NSRP1: variants seen among roughly 807,000 people sequenced by gnomAD.
The protein encoded by NSRP1 is nuclear speckle splicing regulatory protein 1.
A neutral mutation model predicts 54.7 loss-of-function variants in NSRP1; 24 were observed. The observed-to-expected ratio is 0.44, with a 90% CI of 0.32 to 0.62. The LOEUF (loss-of-function observed/expected upper bound fraction) is 0.62, where lower values mean the gene tolerates loss of function less well. Among genes scored for constraint, NSRP1 ranks in the 20% least tolerant of loss-of-function variants. The pLI is 0.06. For synonymous variants in NSRP1, 210 were observed against 213.8 expected, an observed-to-expected ratio of 0.98 and a Z score of 0.15; for missense variants, 596 against 651.2, an observed-to-expected ratio of 0.92 and a Z score of 0.92.
At chr17:30,159,925 G>C (rs984551271) in intron 2 of NSRP1, among the ~76,000 whole-genome samples, 1 of 152,174 alleles carries the variant, frequency 6.6e-6, no homozygotes, top group African/African-American at 2.4e-5. Flanking sequence ...GCCTCCCAAA[G>C]TGCTGGGATT....
intron 2 of NSRP1, among the ~76,000 whole-genome samples, chr17:30,143,348 C>A (rs2071823513): frequency 1.3e-5 from 2 of 152,154 alleles, no homozygotes; most frequent in African/African-American, 4.8e-5. Context: ...GAAGGAGATT[C>A]ATTTCCTGCC....
intron 6 of NSRP1, among the ~76,000 whole-genome samples, chr17:30,181,770 C>T (rs1446099826): frequency 2.0e-5 from 3 of 151,846 alleles, no homozygotes; most frequent in Admixed American, 6.6e-5. Flanking sequence ...GCACTACGCC[C>T]GGCTAATCTT....
rs1490995414 is a variant in NSRP1, at chr17:30,127,268, T to TG, written c.114+9096dup. Among the ~76,000 whole-genome samples, 3 of 152,342 alleles carry TG rather than the reference T, an allele frequency of 2.0e-5. No individual in the cohort carries two copies. In the East Asian group the frequency reaches 5.8e-4, roughly 29 times the overall value. On this transcript the variant is annotated intron_variant, in intron 2 of 6. Transcript: ENST00000247026. ...TTTTTAGATGTTTATCTATGATAAATGCCTGCCCATTTTGCAGAGCATAAT... is the reference window on the plus strand; with the variant it reads ...TTTTTAGATGTTTATCTATGATAAATGGCCTGCCCATTTTGCAGAGCATAAT...
chr17:30,128,750 G>T (rs2071673225), intron 2 of NSRP1, among the ~76,000 whole-genome samples: 2 of 152,074 alleles, frequency 1.3e-5, no homozygotes, highest in African/African-American at 4.8e-5. Context: ...AACAGTGAAA[G>T]CATGAGTAAG....
chr17:30,181,329 A>G (rs1162218535), intron 6 of NSRP1, among the ~76,000 whole-genome samples: 4 of 151,900 alleles, frequency 2.6e-5, no homozygotes, highest in Admixed American at 6.6e-5. Flanking sequence ...TAAGTGATTT[A>G]TGGGTCTTAA....
chr17:30,136,903 GA>G (rs2071755681), intron 2 of NSRP1, among the ~76,000 whole-genome samples: 1 of 151,984 alleles, frequency 6.6e-6, no homozygotes, highest in African/African-American at 2.4e-5. Context: ...TATATCTAAG[GA>G]TTTTTTTTGT....
At chr17:30,138,921 T>TGTTG in intron 2 of NSRP1, among the ~76,000 whole-genome samples, 1 of 133,860 alleles carries the variant, frequency 7.5e-6, no homozygotes, top group East Asian at 2.3e-4. Flanking sequence ...TTTTTTTTTT[T>TGTTG]TTTTTTTTTT....
intron 2 of NSRP1, among the ~76,000 whole-genome samples, chr17:30,167,119 T>C (rs1238064330): frequency 6.6e-6 from 1 of 152,222 alleles, no homozygotes; most frequent in East Asian, 1.9e-4. Flanking sequence ...AGCTCCCACA[T>C]GGAAGTGAGA....
At chr17:30,160,967 G>C (rs1567801021) in intron 2 of NSRP1, among the ~76,000 whole-genome samples, 1 of 152,132 alleles carries the variant, frequency 6.6e-6, no homozygotes, top group Non-Finnish European at 1.5e-5. Flanking sequence ...GCGTAACCAG[G>C]AATAAAAGAC....
intron 2 of NSRP1, among the ~76,000 whole-genome samples, chr17:30,142,834 G>A (rs922242613): frequency 1.3e-5 from 2 of 152,146 alleles, no homozygotes; most frequent in African/African-American, 4.8e-5. Context: ...ATAGAATCAT[G>A]ATTGCAAATT....
At chr17:30,140,398 A>G (rs1208026113) in intron 2 of NSRP1, among the ~76,000 whole-genome samples, 1 of 152,126 alleles carries the variant, frequency 6.6e-6, no homozygotes, top group Non-Finnish European at 1.5e-5. Flanking sequence ...AAGAGACCAA[A>G]ATATTTGTGA....
chr17:30,169,691 C>T (rs948911993), intron 2 of NSRP1, among the ~76,000 whole-genome samples: 1 of 151,982 alleles, frequency 6.6e-6, no homozygotes, highest in Non-Finnish European at 1.5e-5. Context: ...TTGTTATCAA[C>T]ATCTTTCCCC....
rs781089931 is a variant in NSRP1, at chr17:30,184,748, G to A, written c.751G>A (p.Asp251Asn). The change falls in exon 7 of 7, where the codon GAT becomes AAT. Residue 251 changes from aspartate to asparagine, a missense_variant. Transcript: ENST00000247026. ...EENPDADSDFDAKSSADDEIE... is the reference protein window; with the variant it reads ...EENPDADSDFNAKSSADDEIE... ...AAACCCAGATGCAGACAGTGACTTC[G>A]ATGCTAAGAGCAGTGCGGATGATGA... The A allele has an allele frequency of 8.7e-6, 14 of 1,614,062 alleles. No individual in the cohort carries two copies. Among genetic ancestry groups the A allele is most frequent in the South Asian group, 3.3e-5 (3 of 91,040 alleles).
chr17:30,140,228 A>G (rs2071790689), intron 2 of NSRP1, among the ~76,000 whole-genome samples: 1 of 152,204 alleles, frequency 6.6e-6, no homozygotes, highest in African/African-American at 2.4e-5. Context: ...AAGTTTTGTA[A>G]CCTTTGATAA....
At chr17:30,127,779 G>C in intron 2 of NSRP1, 3 of 374,674 alleles carry the variant, frequency 8.0e-6, no homozygotes, top group Non-Finnish European at 9.5e-6. Context: ...ATTAAGTTTA[G>C]ATAGCTAAAA....
chr17:30,126,780 G>A (rs1016352898), intron 2 of NSRP1, among the ~76,000 whole-genome samples: 1 of 152,148 alleles, frequency 6.6e-6, no homozygotes, highest in Non-Finnish European at 1.5e-5. Context: ...GTAGAGACAG[G>A]GTTTCGCCAT....
chr17:30,171,134 G>T (rs1326853320), intron 2 of NSRP1, among the ~76,000 whole-genome samples: 1 of 151,268 alleles, frequency 6.6e-6, no homozygotes, highest in Non-Finnish European at 1.5e-5. Flanking sequence ...TCTTCCTCTT[G>T]CATTCTTTTA....
At chr17:30,134,957 C>G (rs1230001859) in intron 2 of NSRP1, among the ~76,000 whole-genome samples, 1 of 151,996 alleles carries the variant, frequency 6.6e-6, no homozygotes, top group Non-Finnish European at 1.5e-5. Context: ...GGAGATTAGG[C>G]TATATTTAAT....
intron 2 of NSRP1, among the ~76,000 whole-genome samples, chr17:30,157,564 T>G (rs1322543518): frequency 1.3e-5 from 2 of 152,212 alleles, no homozygotes; most frequent in Admixed American, 1.3e-4. Flanking sequence ...TCTATCTAAC[T>G]GTATGTTTGG....
Sources: gnomAD v4.1 joint callset for allele counts (sites outside exome capture counted in the v4.1 genomes callset) on GRCh38, gnomAD v4.1.1 for gene constraint, MANE v1.5 for transcripts, NCBI Gene and HGNC (gene_info 2026-07-23, HGNC 2026-07-21) for gene names.